SUGCT: variants seen among roughly 807,000 people sequenced by gnomAD.
SUGCT encodes succinyl-CoA:glutarate CoA-transferase.
A neutral mutation model predicts 55.0 loss-of-function variants in SUGCT; 41 were observed. The ratio of observed to expected loss-of-function variants is 0.74; its 90% CI spans 0.58 to 0.97. The LOEUF is 0.97. SUGCT is among the 50% of genes least tolerant of loss of function. The pLI is 0.00. For synonymous variants in SUGCT, 187 were observed against 200.4 expected (o/e 0.93, Z 0.56); for missense variants, 568 against 547.8 (o/e 1.04, Z -0.37).
At chr7:40,525,604 A>G (rs1793754200) in intron 12 of SUGCT, among the ~76,000 whole-genome samples, 1 of 152,096 alleles carries the variant, frequency 6.6e-6, no homozygotes, top group Admixed American at 6.6e-5. Context: ...GAACATAATA[A>G]CTTTACGATC....
chr7:40,202,353 C>G (rs1786661871), intron 6 of SUGCT, among the ~76,000 whole-genome samples: 1 of 152,174 alleles, frequency 6.6e-6, no homozygotes, highest in Non-Finnish European at 1.5e-5. Flanking sequence ...ATGACGTCTC[C>G]TTTTCCCCAA....
chr7:40,901,952 GCA>G, the SUGCT span, among the ~76,000 whole-genome samples: 1 of 152,136 alleles, frequency 6.6e-6, no homozygotes, highest in East Asian at 1.9e-4. Context: ...CCAAATCCAG[GCA>G]AGTGGGAATG....
At chr7:40,669,956 A>G (rs2151868603) in intron 12 of SUGCT, among the ~76,000 whole-genome samples, 1 of 151,980 alleles carries the variant, frequency 6.6e-6, no homozygotes, top group East Asian at 1.9e-4. Context: ...GCACACCCTA[A>G]ACAAAAACTT....
the SUGCT span, among the ~76,000 whole-genome samples, chr7:40,944,839 G>A: frequency 1.3e-5 from 2 of 152,132 alleles, no homozygotes; most frequent in Non-Finnish European, 2.9e-5. Flanking sequence ...AATGGTTACA[G>A]TTTATTGAAA....
At chr7:40,396,231 A>T (rs1785719286) in intron 9 of SUGCT, among the ~76,000 whole-genome samples, 1 of 152,176 alleles carries the variant, frequency 6.6e-6, no homozygotes, top group Non-Finnish European at 1.5e-5. Flanking sequence ...GCCTTAATAC[A>T]ACTCTGACAT....
intron 11 of SUGCT, among the ~76,000 whole-genome samples, chr7:40,462,092 T>C (rs564851431): frequency 2.2e-4 from 34 of 152,258 alleles, no homozygotes; most frequent in African/African-American, 8.2e-4. Context: ...ACAGACAAAG[T>C]GTATCCATGA....
chr7:40,245,215 C>T (rs1394628014), intron 7 of SUGCT, among the ~76,000 whole-genome samples: 5 of 150,002 alleles, frequency 3.3e-5, no homozygotes, highest in South Asian at 2.1e-4. Flanking sequence ...CCACCATGCC[C>T]GGCTAATTTT....
chr7:40,348,641 CTCTG>C (rs981654784), intron 9 of SUGCT, among the ~76,000 whole-genome samples: 20 of 152,228 alleles, frequency 1.3e-4, no homozygotes, highest in Non-Finnish European at 2.5e-4. Flanking sequence ...TATTTTAGGT[CTCTG>C]TCTGTCCTTT....
At chr7:40,175,166 G>A (rs1461043829) in intron 1 of SUGCT, among the ~76,000 whole-genome samples, 2 of 151,678 alleles carry the variant, frequency 1.3e-5, no homozygotes, top group South Asian at 2.1e-4. Flanking sequence ...TTAGCCTTTC[G>A]GGCTGTCATT....
intron 8 of SUGCT, among the ~76,000 whole-genome samples, chr7:40,294,075 G>C (rs1222136109): frequency 6.6e-6 from 1 of 151,852 alleles, no homozygotes; most frequent in Non-Finnish European, 1.5e-5. Flanking sequence ...AGCCTCCCTA[G>C]TAGCTGGGAT....
intron 12 of SUGCT, among the ~76,000 whole-genome samples, chr7:40,511,418 T>A (rs917472092): frequency 6.6e-6 from 1 of 152,200 alleles, no homozygotes; most frequent in Non-Finnish European, 1.5e-5. Context: ...TTGTATGCTG[T>A]GTGGGATCCT....
chr7:40,426,189 G>A (rs1787577782), intron 9 of SUGCT, among the ~76,000 whole-genome samples: 1 of 152,048 alleles, frequency 6.6e-6, no homozygotes, highest in East Asian at 1.9e-4. Flanking sequence ...CCACAATTTA[G>A]GATAACATTT....
At chr7:40,591,190 GA>G (rs1351228426) in intron 12 of SUGCT, among the ~76,000 whole-genome samples, 21 of 152,208 alleles carry the variant, frequency 1.4e-4, no homozygotes, top group Admixed American at 6.5e-5. Context: ...TTCATAGGAG[GA>G]GGTTGAAATA....
At chr7:40,815,441 C>T (rs1791619811) in intron 13 of SUGCT, among the ~76,000 whole-genome samples, 3 of 152,108 alleles carry the variant, frequency 2.0e-5, no homozygotes, top group Admixed American at 2.0e-4. Context: ...CCCCTTGCAC[C>T]CAGGATCTCT....
At chr7:40,212,815 G>A (rs937831139) in intron 6 of SUGCT, among the ~76,000 whole-genome samples, 4 of 152,138 alleles carry the variant, frequency 2.6e-5, no homozygotes, top group African/African-American at 9.7e-5. Flanking sequence ...TTACAGGTGT[G>A]AGCCACTATA....
At chr7:40,854,559 C>T (rs1423898705) in intron 13 of SUGCT, among the ~76,000 whole-genome samples, 1 of 151,486 alleles carries the variant, frequency 6.6e-6, no homozygotes, top group Non-Finnish European at 1.5e-5. Flanking sequence ...TATTTCAGTA[C>T]ACTTACTTAG....
chr7:40,767,737 C>T (rs1788877849), intron 13 of SUGCT, among the ~76,000 whole-genome samples: 1 of 152,178 alleles, frequency 6.6e-6, no homozygotes, highest in Admixed American at 6.5e-5. Context: ...AGAATCCTAG[C>T]AAATAGGTAA....
At chr7:40,798,303 G>A (rs1175570529) in intron 13 of SUGCT, among the ~76,000 whole-genome samples, 1 of 152,138 alleles carries the variant, frequency 6.6e-6, no homozygotes, top group Non-Finnish European at 1.5e-5. Context: ...ATTGTGCTAA[G>A]ATTGATTAAT....
intron 9 of SUGCT, among the ~76,000 whole-genome samples, chr7:40,339,956 T>A (rs904583018): frequency 6.6e-6 from 1 of 152,186 alleles, no homozygotes. Flanking sequence ...ACTGATGAAA[T>A]CTATGAAAGC....
Sources: gnomAD v4.1 joint callset for allele counts (sites outside exome capture counted in the v4.1 genomes callset) on GRCh38, gnomAD v4.1.1 for gene constraint, MANE v1.5 for transcripts, NCBI Gene and HGNC (gene_info 2026-07-23, HGNC 2026-07-21) for gene names.